SPAG6: variants seen among roughly 807,000 people sequenced by gnomAD.
SPAG6 encodes sperm-associated antigen 6.
In SPAG6, 49 loss-of-function variants were observed where a neutral mutation model predicts 58.5. The ratio of observed to expected loss-of-function variants is 0.84; its 90% CI spans 0.67 to 1.06. SPAG6 has a LOEUF of 1.06. Ranked by LOEUF, SPAG6 falls within the 50% of genes least tolerant of loss-of-function variation. The pLI is 0.00. For missense variants in SPAG6, 560 were observed against 611.3 expected, an observed-to-expected ratio of 0.92 and a Z score of 0.89; for synonymous variants, 233 against 225.6, an observed-to-expected ratio of 1.03 and a Z score of -0.29.
intron 3 of SPAG6, among the ~76,000 whole-genome samples, chr10:22,367,355 A>G (rs1416766134): frequency 6.6e-6 from 1 of 152,152 alleles, no homozygotes; most frequent in African/African-American, 2.4e-5. Context: ...TAAAGAAAAT[A>G]TGTCAAATCA....
chr10:22,349,689 A>G (rs1339022593), intron 2 of SPAG6, among the ~76,000 whole-genome samples: 1 of 152,218 alleles, frequency 6.6e-6, no homozygotes, highest in Non-Finnish European at 1.5e-5. Flanking sequence ...ACATATTACA[A>G]CCTATAGTAG....
At chr10:22,380,293 T>G (rs1237927269) in intron 4 of SPAG6, among the ~76,000 whole-genome samples, 2 of 151,670 alleles carry the variant, frequency 1.3e-5, no homozygotes, top group African/African-American at 4.8e-5. Context: ...TAAATGTAGG[T>G]TTTGTTTGTT....
intron 4 of SPAG6, among the ~76,000 whole-genome samples, chr10:22,374,586 A>C (rs891732503): frequency 2.7e-5 from 4 of 146,818 alleles, no homozygotes; most frequent in African/African-American, 7.7e-5. Flanking sequence ...TGTGAAACAT[A>C]GTGAAACCCT....
intron 2 of SPAG6, among the ~76,000 whole-genome samples, chr10:22,350,606 CT>C: frequency 6.6e-6 from 1 of 152,088 alleles, no homozygotes; most frequent in East Asian, 1.9e-4. Context: ...GTTTCAGGAC[CT>C]TTGCACTTCT....
chr10:22,364,831 G>T lies in SPAG6; in HGVS notation c.122-22G>T. On this transcript the variant is annotated intron_variant, in intron 2 of 10. Transcript: ENST00000376624. ...TTTAATTTAAATTTTCCTGATTTCT[G>T]TTCTTTCATAATTTAACTCAGGTGT... 2.5e-6 allele frequency: 4 copies of T among 1,572,746 alleles called. No homozygotes were observed. In the South Asian group the frequency reaches 3.5e-5, roughly 14 times the overall value.
chr10:22,363,713 T>A (rs900738667), intron 2 of SPAG6, among the ~76,000 whole-genome samples: 6 of 152,194 alleles, frequency 3.9e-5, no homozygotes. Flanking sequence ...AGTGTTTAGG[T>A]GTTATTGTAA....
chr10:22,384,913 G>A (rs1014172940), intron 4 of SPAG6, among the ~76,000 whole-genome samples: 13 of 152,078 alleles, frequency 8.5e-5, no homozygotes, highest in Admixed American at 8.5e-4. Flanking sequence ...TTTTTAAAAA[G>A]CATCTTGAGT....
intron 7 of SPAG6, among the ~76,000 whole-genome samples, chr10:22,391,410 A>T (rs7918271): frequency 0.17 from 25,421 of 152,170 alleles, 6,364 homozygotes; most frequent in African/African-American, 0.55. Context: ...ATTTTTATTT[A>T]GTCACAGTAA....
chr10:22,350,186 TA>T (rs1179362323), intron 2 of SPAG6, among the ~76,000 whole-genome samples: 1 of 152,144 alleles, frequency 6.6e-6, no homozygotes, highest in Non-Finnish European at 1.5e-5. Flanking sequence ...GACTTCTTCT[TA>T]AAAGATAGGG....
At position 22,406,052 on chromosome 10, in the gene SPAG6, C is replaced by T. The variant is rs916898538; in HGVS notation, c.1314+4775C>T. Among the ~76,000 whole-genome samples, 7 of 151,968 alleles carry T rather than the reference C, an allele frequency of 4.6e-5. No individual in the cohort carries two copies. In the East Asian group the frequency reaches 5.8e-4, roughly 13 times the overall value. Reference sequence around the variant, plus strand: ...TTTTTTTCTTTATTAGTCTTGCTAGCGGTCTATCAATTTTGTGGATCTTTT... The same window carrying T: ...TTTTTTTCTTTATTAGTCTTGCTAGTGGTCTATCAATTTTGTGGATCTTTT... On this transcript the variant is annotated intron_variant, in intron 9 of 10. Coordinates refer to ENST00000376624, the MANE Select transcript of SPAG6 (RefSeq NM_012443.4).
intron 3 of SPAG6, 139 bp from the exon 4 acceptor site, chr10:22,368,356 A>T (rs1393021498): frequency 1.7e-6 from 1 of 602,286 alleles, no homozygotes; most frequent in Non-Finnish European, 2.8e-6. Flanking sequence ...ATTTTGCAGG[A>T]TGTTTTTCAT....
At chr10:22,403,619 G>T (rs1334737864) in intron 9 of SPAG6, among the ~76,000 whole-genome samples, 1 of 145,136 alleles carries the variant, frequency 6.9e-6, no homozygotes, top group African/African-American at 2.8e-5. Flanking sequence ...CTTTATAGCA[G>T]CATGATTTAT....
intron 7 of SPAG6, among the ~76,000 whole-genome samples, chr10:22,390,541 A>G (rs987056246): frequency 6.6e-6 from 1 of 152,206 alleles, no homozygotes; most frequent in Admixed American, 6.5e-5. Flanking sequence ...ATAAAGACTA[A>G]CAATAATACT....
At chr10:22,375,766 A>G (rs1256492261) in intron 4 of SPAG6, among the ~76,000 whole-genome samples, 6 of 152,090 alleles carry the variant, frequency 3.9e-5, no homozygotes, top group East Asian at 1.9e-4. Context: ...TTTAGTAGAC[A>G]TGGGGTTTCA....
intron 4 of SPAG6, among the ~76,000 whole-genome samples, chr10:22,380,200 A>T (rs1165888175): frequency 6.6e-6 from 1 of 152,206 alleles, no homozygotes; most frequent in Non-Finnish European, 1.5e-5. Flanking sequence ...TTATAATTTC[A>T]CCCAATCATG....
chr10:22,414,132 C>T (rs1455449591), intron 10 of SPAG6, among the ~76,000 whole-genome samples: 1 of 152,104 alleles, frequency 6.6e-6, no homozygotes, highest in Non-Finnish European at 1.5e-5. Flanking sequence ...ATCTCTGCCT[C>T]AGCTGGGGTG....
chr10:22,412,735 C>T (rs1264021734), intron 10 of SPAG6: 1 of 332,742 alleles, frequency 3.0e-6, no homozygotes, highest in Non-Finnish European at 5.5e-6. Flanking sequence ...CCACTCCCAG[C>T]TAATGTTTTG....
chr10:22,394,623 C>T lies in SPAG6; in HGVS notation c.1197+2703C>T, dbSNP rs372186228. 7.2e-5 allele frequency among the ~76,000 whole-genome samples: 11 copies of T among 152,218 alleles called. No individual in the cohort carries two copies. In the East Asian group the frequency reaches 1.7e-3, roughly 24 times the overall value. ...CCCATTAGCTGTGATTCTGTATCCC[C>T]TCTGCCTAGCCCCAGGCAACCATTA... On this transcript the variant is annotated intron_variant, in intron 8 of 10. Coordinates refer to ENST00000376624, the MANE Select transcript of SPAG6 (RefSeq NM_012443.4).
At chr10:22,368,437 G>C (rs1837256093) in intron 3 of SPAG6, 58 bp from the exon 4 acceptor site, 12 of 1,424,824 alleles carry the variant, frequency 8.4e-6, no homozygotes, top group Non-Finnish European at 1.2e-5. Context: ...GTCTATTTTA[G>C]ATTTTGGTTT....
Sources: allele counts gnomAD v4.1 joint callset (sites outside exome capture counted in the v4.1 genomes callset), GRCh38; gene constraint gnomAD v4.1.1; transcripts MANE v1.5; gene names NCBI Gene and HGNC (gene_info 2026-07-23, HGNC 2026-07-21).